SCRN1: variants seen among roughly 807,000 people sequenced by gnomAD.
SCRN1 encodes the protein secernin 1, also known as secernin-1.
Under a neutral mutation model 43.3 loss-of-function variants are expected in SCRN1, and 19 were observed. That is an observed-to-expected ratio of 0.44 (90% confidence interval 0.31 to 0.64). The LOEUF (loss-of-function observed/expected upper bound fraction) is 0.64. SCRN1 is among the 30% of genes least tolerant of loss of function. The pLI is 0.09. For synonymous variants in SCRN1, 183 were observed against 188.9 expected (o/e 0.97, Z 0.26); for missense variants, 447 against 524.1 (o/e 0.85, Z 1.44).
chr7:29,927,432 G>A (rs760487702), intron 6 of SCRN1, among the ~76,000 whole-genome samples: 18 of 131,214 alleles, frequency 1.4e-4, no homozygotes, highest in African/African-American at 3.4e-4. Flanking sequence ...CCAGGCCAAC[G>A]GGCTAAGGGA....
At chr7:29,984,256 A>G (rs570115332) in intron 1 of SCRN1, among the ~76,000 whole-genome samples, 1 of 151,858 alleles carries the variant, frequency 6.6e-6, no homozygotes, top group South Asian at 2.1e-4. Flanking sequence ...ATTCACTCCT[A>G]AGCCAAAATA....
intron 3 of SCRN1, among the ~76,000 whole-genome samples, chr7:29,945,677 G>A (rs1787714587): frequency 6.6e-6 from 1 of 152,162 alleles, no homozygotes; most frequent in Non-Finnish European, 1.5e-5. Flanking sequence ...TTCTAGCTAT[G>A]GCTCTGCTAC....
At position 29,923,895 on chromosome 7, in the gene SCRN1, T is replaced by C. The variant is rs1786851738; in HGVS notation, c.*62A>G. On this transcript the variant is annotated 3_prime_UTR_variant, in exon 8 of 8. Coordinates refer to ENST00000242059, the MANE Select transcript of SCRN1 (RefSeq NM_014766.5). ...TTTACTCAAACAGGAGAGTGGTTTG[T>C]TTTGCTGGTAATTTAGTAAGGTGGG... The C allele has an allele frequency of 6.6e-7, 1 of 1,519,480 alleles. No homozygotes were observed. The highest frequency in any genetic ancestry group is 2.1e-5 in the Admixed American group (1 of 47,832). The allele number at this position is 1,519,480 out of a possible 1,614,324, so 94.1% of individuals were successfully genotyped here.
In SCRN1 at chr7:29,922,024, T is replaced by G. The variant is rs369064354; in HGVS notation, c.*1933A>C. 1.3e-5 allele frequency: 2 copies of G among 152,140 alleles called. No homozygotes were observed. The highest frequency in any genetic ancestry group is 3.9e-4 in the East Asian group (2 of 5,164). 9.4% of individuals were successfully genotyped at this position (152,140 alleles called of 1,614,324 possible). On this transcript the variant is annotated 3_prime_UTR_variant, in exon 8 of 8. Coordinates refer to ENST00000242059, the MANE Select transcript of SCRN1 (RefSeq NM_014766.5). ...TGGGAGGGGAGAGTTACCTACGTCA[T>G]CCTCGAACCTCACTTTCCCCCCCCC...
intron 1 of SCRN1, chr7:29,988,611 A>G (rs1024865879): frequency 6.6e-6 from 1 of 152,438 alleles, no homozygotes; most frequent in African/African-American, 2.4e-5. Flanking sequence ...CAACTGATGC[A>G]TCTTCTAACC....
rs1477152243 is a variant in SCRN1 at position 29,944,020 on chromosome 7, C to G, written c.501G>C (p.Val167=). 6 of 1,614,234 alleles carry G rather than the reference C, an allele frequency of 3.7e-6. No individual in the cohort carries two copies. The Admixed American group carries it at 6.7e-5, about 18-fold the overall frequency. ...CCCAGTACTTCCCTATGGTCTCGAG[C>G]ACCCAGGCTTCATCACGATCCACAA... ...YLIVDRDEAW[V]LETIGKYWAA... The change falls in exon 4 of 8, where the codon GTG becomes GTC. Residue 167 remains valine, a synonymous_variant. Transcript: ENST00000242059.
At chr7:29,932,450 C>T (rs1466039509) in intron 6 of SCRN1, among the ~76,000 whole-genome samples, 6 of 151,762 alleles carry the variant, frequency 4.0e-5, no homozygotes, top group South Asian at 4.2e-4. Flanking sequence ...GTCAGGACTT[C>T]GAGACCAGCC....
At chr7:29,979,134 G>A (rs535137124) in intron 1 of SCRN1, among the ~76,000 whole-genome samples, 1 of 152,304 alleles carries the variant, frequency 6.6e-6, no homozygotes, top group Non-Finnish European at 1.5e-5. Context: ...GGAGGCTGAG[G>A]CGGGCGGGTC....
chr7:29,963,933 G>GTA (rs1788408674), intron 2 of SCRN1, among the ~76,000 whole-genome samples: 1 of 152,170 alleles, frequency 6.6e-6, no homozygotes, highest in Admixed American at 6.5e-5. Flanking sequence ...TTTAATAGTA[G>GTA]TATACATAAT....
intron 3 of SCRN1, among the ~76,000 whole-genome samples, chr7:29,949,146 T>C (rs1334108909): frequency 6.6e-6 from 1 of 151,698 alleles, no homozygotes; most frequent in Non-Finnish European, 1.5e-5. Context: ...AAATCCTGTC[T>C]CTACTAAAAA....
chr7:29,960,007 AAGGGAGGG>A (rs375751882), intron 2 of SCRN1, among the ~76,000 whole-genome samples: 101 of 88,964 alleles, frequency 1.1e-3, no homozygotes, highest in African/African-American at 4.1e-3. Flanking sequence ...GGAAGGAAGG[AAGGGAGGG>A]AGGGAGGGAG....
In SCRN1 at chr7:29,955,359, C is replaced by T; in HGVS notation, c.161G>A (p.Cys54Tyr). ...ADHEPESKVE[C>Y]TYISIDQVPR... ...AACTTGGTCGATTGAAATGTAAGTGCACTGAAAAACAAACACAGGAAAGAA... is the reference window on the plus strand; with the variant it reads ...AACTTGGTCGATTGAAATGTAAGTGTACTGAAAAACAAACACAGGAAAGAA... The change falls in exon 3 of 8, where the codon TGC becomes TAC. Residue 54 changes from cysteine to tyrosine, a missense_variant and splice_region_variant. Physicochemically the swap from Cys to Tyr is radical, Grantham distance 194. Transcript: ENST00000242059. 6.2e-7 allele frequency: 1 copy of T among 1,612,564 alleles called. No individual in the cohort carries two copies. Among genetic ancestry groups the T allele is most frequent in the South Asian group, 1.1e-5 (1 of 90,754 alleles).
chr7:29,989,873 C>T (rs1403970382), upstream of SCRN1: 15 of 1,023,702 alleles, frequency 1.5e-5, no homozygotes, highest in Non-Finnish European at 1.8e-5. Flanking sequence ...CCCTCCGCCT[C>T]CCCCACCCCG....
At chr7:29,932,582 G>A (rs1183879634) in intron 6 of SCRN1, among the ~76,000 whole-genome samples, 1 of 147,990 alleles carries the variant, frequency 6.8e-6, no homozygotes, top group Non-Finnish European at 1.5e-5. Flanking sequence ...AACCCAGGAG[G>A]TGGAGGTTGC....
intron 6 of SCRN1, among the ~76,000 whole-genome samples, chr7:29,928,687 G>C (rs532659746): frequency 1.3e-5 from 2 of 152,016 alleles, no homozygotes; most frequent in South Asian, 4.2e-4. Flanking sequence ...ACCCTCCCTA[G>C]CCATCATCAA....
At position 29,974,829 on chromosome 7, in the gene SCRN1, G is replaced by A. The variant is rs536368301; in HGVS notation, c.-1-5761C>T. On this transcript the variant is annotated intron_variant, in intron 1 of 7. Transcript: ENST00000242059. ...CTCCTGAGTAGCTGGGATTACAGGC[G>A]CATACCACCGTGCCCAGCTAATTTT... Among the ~76,000 whole-genome samples the A allele has an allele frequency of 1.3e-4, 19 of 151,788 alleles. No homozygotes were observed. In the South Asian group the frequency reaches 2.9e-3, roughly 23 times the overall value.
intron 1 of SCRN1, among the ~76,000 whole-genome samples, chr7:29,982,125 A>C (rs1789008725): frequency 1.3e-5 from 2 of 152,200 alleles, no homozygotes; most frequent in African/African-American, 4.8e-5. Context: ...CTTTTAAAAA[A>C]TTGACAAAGT....
Position 29,947,206 on chromosome 7 carries a change from T to C in SCRN1, c.342-3027A>G, listed in dbSNP as rs550114016. On this transcript the variant is annotated intron_variant, in intron 3 of 7. Coordinates refer to ENST00000242059, the MANE Select transcript of SCRN1 (RefSeq NM_014766.5). Reference sequence around the variant, plus strand: ...TCCAGCTTGCTCTGGGCCTGGGAATTAGATGCTCCTGAATTCAATTCCTAG... The same window carrying C: ...TCCAGCTTGCTCTGGGCCTGGGAATCAGATGCTCCTGAATTCAATTCCTAG... 2.1e-5 allele frequency: 33 copies of C among 1,550,544 alleles called. No homozygotes were observed. The South Asian group carries it at 3.9e-4, about 18-fold the overall frequency.
At chr7:29,946,561 G>T (rs1787744494) in intron 3 of SCRN1, among the ~76,000 whole-genome samples, 1 of 152,202 alleles carries the variant, frequency 6.6e-6, no homozygotes, top group Non-Finnish European at 1.5e-5. Context: ...GATTTCCAGT[G>T]TACTCTTCTG....
Sources: gnomAD v4.1 joint callset for allele counts (sites outside exome capture counted in the v4.1 genomes callset) on GRCh38, gnomAD v4.1.1 for gene constraint, MANE v1.5 for transcripts, NCBI Gene and HGNC (gene_info 2026-07-23, HGNC 2026-07-21) for gene names.